MAN1A2: variants seen among roughly 807,000 people sequenced by gnomAD.
MAN1A2 encodes the protein mannosyl-oligosaccharide 1,2-alpha-mannosidase IB.
MAN1A2 carries 26 observed loss-of-function variants against 75.7 expected under a neutral mutation model. The observed-to-expected ratio is 0.34, with a 90% CI of 0.25 to 0.48. MAN1A2 has a LOEUF of 0.48. Among genes scored for constraint, MAN1A2 ranks in the 20% least tolerant of loss-of-function variants. The probability of loss-of-function intolerance (pLI) is 0.99; values close to 1 mark genes in which losing one functional copy is unlikely to be tolerated. For missense variants in MAN1A2, 562 were observed against 775.5 expected (o/e 0.72, Z 3.27); for synonymous variants, 247 against 264.6 (o/e 0.93, Z 0.65).
intron 6 of MAN1A2, among the ~76,000 whole-genome samples, chr1:117,457,607 T>C (rs931069957): frequency 6.6e-6 from 1 of 152,150 alleles, no homozygotes; most frequent in Non-Finnish European, 1.5e-5. Context: ...ACTTTTTGAC[T>C]TTTGGCGAGA....
chr1:117,429,729 C>A (rs1453278874), intron 5 of MAN1A2, among the ~76,000 whole-genome samples: 1 of 113,982 alleles, frequency 8.8e-6, no homozygotes, highest in Non-Finnish European at 1.9e-5. Flanking sequence ...CCACCTCCCT[C>A]CCGGACGGGG....
At position 117,525,834 on chromosome 1, in the gene MAN1A2, G is replaced by A. The variant is rs1371332772; in HGVS notation, c.*2877G>A. The A allele has an allele frequency of 4.6e-5, 7 of 151,738 alleles. No homozygotes were observed. Among genetic ancestry groups the A allele is most frequent in the Non-Finnish European group, 7.4e-5 (5 of 67,812 alleles). 9.4% of individuals were successfully genotyped at this position (151,738 alleles called of 1,614,324 possible). A position where few individuals can be genotyped will look rare whatever the true frequency, so the allele number is the denominator to read the frequency against. ...CTCAACTCAGAAAAATAAGTCCCCAGTCAGGTGGTTCTTACTTTCTTGTGG... is the reference window on the plus strand; with the variant it reads ...CTCAACTCAGAAAAATAAGTCCCCAATCAGGTGGTTCTTACTTTCTTGTGG... On this transcript the variant is annotated 3_prime_UTR_variant, in exon 13 of 13. Coordinates refer to ENST00000356554, the MANE Select transcript of MAN1A2 (RefSeq NM_006699.5).
intron 6 of MAN1A2, among the ~76,000 whole-genome samples, chr1:117,443,795 A>G (rs1649119789): frequency 6.6e-6 from 1 of 152,178 alleles, no homozygotes; most frequent in African/African-American, 2.4e-5. Flanking sequence ...TTTTTTGCAG[A>G]GAAGGGATCT....
intron 12 of MAN1A2, among the ~76,000 whole-genome samples, chr1:117,508,343 AAG>A (rs1430102462): frequency 1.1e-4 from 16 of 151,610 alleles, no homozygotes; most frequent in African/African-American, 3.6e-4. Flanking sequence ...TATTAAAGGA[AAG>A]AGAAATAGCA....
At chr1:117,478,244 G>T (rs1309825644) in intron 8 of MAN1A2, among the ~76,000 whole-genome samples, 1 of 151,698 alleles carries the variant, frequency 6.6e-6, no homozygotes, top group African/African-American at 2.4e-5. Flanking sequence ...TGAATTATCT[G>T]ATCAAATCTC....
In MAN1A2 at chr1:117,528,802, T is replaced by C. The variant is rs1652095192; in HGVS notation, c.*5845T>C. On this transcript the variant is annotated 3_prime_UTR_variant, in exon 13 of 13. Coordinates refer to ENST00000356554, the MANE Select transcript of MAN1A2 (RefSeq NM_006699.5). ...ACTGGTTTCCAGTCATGTCCTCCAG[T>C]ATGTGATTTTTATAAATTAAAGGTA... The C allele has an allele frequency of 6.6e-6, 1 of 152,098 alleles. No homozygotes were observed. The highest frequency in any genetic ancestry group is 1.5e-5 in the Non-Finnish European group (1 of 68,014). 9.4% of individuals were successfully genotyped at this position (152,098 alleles called of 1,614,324 possible). A position where few individuals can be genotyped will look rare whatever the true frequency, so the allele number is the denominator to read the frequency against.
At chr1:117,497,089 G>A (rs1325159879) in intron 10 of MAN1A2, 107 bp downstream of exon 10, 2 of 758,002 alleles carry the variant, frequency 2.6e-6, no homozygotes, top group Non-Finnish European at 4.1e-6. Flanking sequence ...CTTCCAAATA[G>A]TTTACACCAA....
At chr1:117,405,751 C>A in intron 3 of MAN1A2, 106 bp downstream of exon 3, 1 of 753,054 alleles carries the variant, frequency 1.3e-6, no homozygotes, top group Non-Finnish European at 2.3e-6. Flanking sequence ...TTCTGTGGAA[C>A]TATAATTTGA....
intron 7 of MAN1A2, among the ~76,000 whole-genome samples, chr1:117,463,520 C>CAT (rs1649890859): frequency 4.1e-5 from 1 of 24,532 alleles, no homozygotes; most frequent in South Asian, 1.3e-3. Flanking sequence ...CACACACATA[C>CAT]ACACACACAC....
intron 1 of MAN1A2, among the ~76,000 whole-genome samples, chr1:117,389,517 C>G (rs770196435): frequency 6.6e-6 from 1 of 152,088 alleles, no homozygotes; most frequent in South Asian, 2.1e-4. Context: ...GCTTGCCAGC[C>G]GAGTTCCTAA....
At chr1:117,518,239 G>C (rs1651772486) in intron 12 of MAN1A2, among the ~76,000 whole-genome samples, 1 of 151,944 alleles carries the variant, frequency 6.6e-6, no homozygotes, top group African/African-American at 2.4e-5. Flanking sequence ...AAGAAAACTT[G>C]TTATTTAGCA....
At chr1:117,456,436 A>T (rs928566876) in intron 6 of MAN1A2, among the ~76,000 whole-genome samples, 5 of 152,058 alleles carry the variant, frequency 3.3e-5, no homozygotes, top group Non-Finnish European at 5.9e-5. Flanking sequence ...TGAGTATTTA[A>T]TCACTGACAA....
intron 10 of MAN1A2, among the ~76,000 whole-genome samples, chr1:117,497,631 CAT>C (rs1225567361): frequency 1.3e-5 from 2 of 151,716 alleles, no homozygotes; most frequent in Non-Finnish European, 2.9e-5. Context: ...CACAGATATA[CAT>C]ATAGTCATAA....
intron 12 of MAN1A2, among the ~76,000 whole-genome samples, chr1:117,508,518 G>T (rs1455385078): frequency 6.6e-6 from 1 of 151,256 alleles, no homozygotes; most frequent in Admixed American, 6.6e-5. Context: ...AGCTATATAA[G>T]AATATGTCTT....
intron 3 of MAN1A2, 37 bp downstream of exon 3, chr1:117,405,682 T>C (rs1268262761): frequency 9.0e-7 from 1 of 1,112,850 alleles, no homozygotes; most frequent in Admixed American, 1.7e-5. Flanking sequence ...TTCCATTTTC[T>C]ACCTCCATCT....
At chr1:117,413,277 G>A (rs1437003241) in intron 3 of MAN1A2, among the ~76,000 whole-genome samples, 1 of 151,884 alleles carries the variant, frequency 6.6e-6, no homozygotes, top group African/African-American at 2.4e-5. Flanking sequence ...GTATTGATAA[G>A]TTGAAGAAAT....
Position 117,528,526 on chromosome 1 carries a change from A to G in MAN1A2, c.*5569A>G, listed in dbSNP as rs1002004254. On this transcript the variant is annotated 3_prime_UTR_variant, in exon 13 of 13. Coordinates refer to ENST00000356554, the MANE Select transcript of MAN1A2 (RefSeq NM_006699.5). The stretch of plus-strand genomic sequence containing the variant: ...GTCTTGTGGCTGTTTTATTTCTACA[A>G]AATTCTGTAAGATGTATACCAGAAA... 6.6e-6 allele frequency: 1 copy of G among 152,120 alleles called. No homozygotes were observed. The highest frequency in any genetic ancestry group is 1.5e-5 in the Non-Finnish European group (1 of 67,992). 9.4% of individuals were successfully genotyped at this position (152,120 alleles called of 1,614,324 possible).
intron 9 of MAN1A2, 42 bp downstream of exon 9, chr1:117,493,304 G>A (rs753958049): frequency 5.4e-5 from 68 of 1,270,538 alleles, no homozygotes; most frequent in Non-Finnish European, 7.5e-5. Context: ...TGGATTGAAT[G>A]TACAGTGTAT....
chr1:117,407,374 A>G lies in MAN1A2; in HGVS notation c.655+1729A>G, dbSNP rs10923288. On this transcript the variant is annotated intron_variant, in intron 3 of 12. Transcript: ENST00000356554. The stretch of plus-strand genomic sequence containing the variant: ...CAGTAAGTACAATTTGAGTTTTTTT[A>G]ATCTATTTTTTGATCTTTTTCTTTT... 3.8e-3 allele frequency among the ~76,000 whole-genome samples: 585 copies of G among 152,034 alleles called. 7 individuals are homozygous for G. The highest frequency in any genetic ancestry group is 0.013 in the African/African-American group (557 of 41,460).
Sources: allele counts gnomAD v4.1 joint callset (sites outside exome capture counted in the v4.1 genomes callset), GRCh38; gene constraint gnomAD v4.1.1; transcripts MANE v1.5; gene names NCBI Gene and HGNC (gene_info 2026-07-23, HGNC 2026-07-21).